The following NCKAP1 variants were observed in gnomAD, a reference collection of about 807,000 sequenced individuals.
The protein encoded by NCKAP1 is NCK associated protein 1, also known as nck-associated protein 1.
Under a neutral mutation model 151.2 loss-of-function variants are expected in NCKAP1, and 21 were observed. The ratio of observed to expected loss-of-function variants is 0.14; its 90% CI spans 0.10 to 0.20. NCKAP1 has a LOEUF of 0.20. Among genes scored for constraint, NCKAP1 ranks in the 10% least tolerant of loss-of-function variants. The pLI, the probability that NCKAP1 is intolerant of heterozygous loss-of-function variation, is 1.00. For synonymous variants in NCKAP1, 484 were observed against 451.8 expected (o/e 1.07, Z -0.90); for missense variants, 933 against 1,352.1 (o/e 0.69, Z 4.86).
rs139531004 is a variant in NCKAP1 at position 182,983,671 on chromosome 2, CTATT to C, written c.1005-293_1005-290del. On this transcript the variant is annotated intron_variant, in intron 10 of 30. Transcript: ENST00000361354. Reference sequence around the variant, plus strand: ...TCAAGAAGCATTTCCCAACATCTAGCTATTTATTTATGAATAATTTATCCAATTT... The same window carrying C: ...TCAAGAAGCATTTCCCAACATCTAGCTATTTATGAATAATTTATCCAATTT... Among the ~76,000 whole-genome samples, 457 of 152,266 alleles carry C rather than the reference CTATT, an allele frequency of 3.0e-3. 1 individual carries two copies. The highest frequency in any genetic ancestry group is 5.3e-3 in the Non-Finnish European group (361 of 68,012).
intron 16 of NCKAP1, among the ~76,000 whole-genome samples, chr2:182,965,962 C>T (rs188751211): frequency 6.6e-6 from 1 of 152,258 alleles, no homozygotes; most frequent in East Asian, 1.9e-4. Context: ...CTTTAAGAGG[C>T]ATGGTTTCTC....
chr2:182,967,487 T>TG, intron 15 of NCKAP1, 126 bp from the exon 16 acceptor site: 1 of 833,050 alleles, frequency 1.2e-6, no homozygotes, highest in Non-Finnish European at 1.9e-6. Context: ...GACAGTAACA[T>TG]CTACTGTGTT....
At chr2:183,002,074 T>C (rs1698384652) in intron 5 of NCKAP1, 31 bp from the exon 6 acceptor site, 1 of 1,612,608 alleles carries the variant, frequency 6.2e-7, no homozygotes, top group South Asian at 1.1e-5. Context: ...TTTCAATGAG[T>C]TGTAATCCAT....
rs752202426 is a variant in NCKAP1, at chr2:182,982,798, T to A, written c.1208+23A>T. On this transcript the variant is annotated intron_variant, in intron 12 of 30. Coordinates refer to ENST00000361354, the MANE Select transcript of NCKAP1 (RefSeq NM_013436.5). ...AGAAGCATCTATATACAGAAAATATTTTTTTAAATGTTGCTAACTTACTTA... is the reference window on the plus strand; with the variant it reads ...AGAAGCATCTATATACAGAAAATATATTTTTAAATGTTGCTAACTTACTTA... 19 of 1,488,100 alleles carry A rather than the reference T, an allele frequency of 1.3e-5. No individual in the cohort carries two copies. The Admixed American group carries it at 3.0e-4, about 24-fold the overall frequency. The allele number at this position is 1,488,100 out of a possible 1,614,324, so 92.2% of individuals were successfully genotyped here.
chr2:183,032,463 G>C (rs1699022630), intron 1 of NCKAP1, among the ~76,000 whole-genome samples: 1 of 152,094 alleles, frequency 6.6e-6, no homozygotes, highest in East Asian at 1.9e-4. Flanking sequence ...ATACACCCAG[G>C]GTACATGGGA....
intron 15 of NCKAP1, among the ~76,000 whole-genome samples, chr2:182,976,590 A>G (rs1343251272): frequency 6.6e-6 from 1 of 152,204 alleles, no homozygotes; most frequent in East Asian, 1.9e-4. Flanking sequence ...ATTTTCTCAG[A>G]AAAGATTTTG....
chr2:182,960,821 A>G (rs1310842011), intron 18 of NCKAP1, among the ~76,000 whole-genome samples: 2 of 152,218 alleles, frequency 1.3e-5, no homozygotes, highest in Non-Finnish European at 2.9e-5. Context: ...GAAAATTTTT[A>G]CAATCTACTC....
intron 2 of NCKAP1, among the ~76,000 whole-genome samples, chr2:183,013,108 C>T (rs1229377503): frequency 2.0e-5 from 3 of 152,110 alleles, no homozygotes; most frequent in South Asian, 2.1e-4. Flanking sequence ...ACTACTCAAA[C>T]TTTTCTGTCA....
At chr2:183,024,939 G>A (rs1020995822) in intron 1 of NCKAP1, 15 of 1,608,546 alleles carry the variant, frequency 9.3e-6, no homozygotes, top group Middle Eastern at 1.6e-4. Context: ...ATCTGAAAGC[G>A]GGCAAGCGGG....
intron 1 of NCKAP1, among the ~76,000 whole-genome samples, chr2:183,030,252 T>C (rs1014577924): frequency 6.6e-6 from 1 of 152,194 alleles, no homozygotes; most frequent in East Asian, 1.9e-4. Flanking sequence ...CTTGAACTCC[T>C]GGTCTCAAGA....
intron 17 of NCKAP1, among the ~76,000 whole-genome samples, chr2:182,963,623 TAA>T (rs1697500911): frequency 6.6e-6 from 1 of 152,062 alleles, no homozygotes; most frequent in East Asian, 1.9e-4. Context: ...ATCTGAACTG[TAA>T]TAATGACAAT....
chr2:183,001,473 A>G (rs932954050), intron 6 of NCKAP1, among the ~76,000 whole-genome samples: 3 of 152,348 alleles, frequency 2.0e-5, no homozygotes, highest in South Asian at 4.1e-4. Context: ...TGAGACTATA[A>G]TAAAGTTAAA....
intron 1 of NCKAP1, among the ~76,000 whole-genome samples, chr2:183,034,634 T>C (rs927293048): frequency 3.9e-5 from 6 of 152,200 alleles, no homozygotes; most frequent in Admixed American, 2.0e-4. Context: ...AAAAACAATG[T>C]TGCCCAAAAG....
At chr2:183,002,502 T>C (rs1310187064) in intron 4 of NCKAP1, among the ~76,000 whole-genome samples, 2 of 152,120 alleles carry the variant, frequency 1.3e-5, no homozygotes, top group Non-Finnish European at 1.5e-5. Context: ...GTGATCACTA[T>C]ATTCAAACTG....
At chr2:182,935,237 G>C in intron 25 of NCKAP1, 56 bp downstream of exon 25, 3 of 1,206,056 alleles carry the variant, frequency 2.5e-6, no homozygotes, top group Non-Finnish European at 3.5e-6. Flanking sequence ...TTAAATTTCT[G>C]AGAAATTAAA....
At chr2:183,025,739 T>G (rs1698882615) in intron 1 of NCKAP1, among the ~76,000 whole-genome samples, 1 of 152,284 alleles carries the variant, frequency 6.6e-6, no homozygotes, top group East Asian at 1.9e-4. Context: ...TAGCTAAGAA[T>G]AATAATCACA....
rs1697835864 is a variant in NCKAP1 at position 182,976,950 on chromosome 2, A to G, written c.1425T>C (p.Val475=). ...TGAAATCAAATACTTCCCCATCTTC[A>G]ACTGTAGTAATAGAAAAAAAAAAAA... The part of the protein sequence containing the change: ...NTMTSLSVKQ[V]EDGEVFDFRG... The change falls in exon 15 of 31, where the codon GTT becomes GTC. Residue 475 remains valine, a splice_region_variant and synonymous_variant. Coordinates refer to ENST00000361354, the MANE Select transcript of NCKAP1 (RefSeq NM_013436.5). The G allele has an allele frequency of 6.6e-7, 1 of 1,523,434 alleles. No individual in the cohort carries two copies. The highest frequency in any genetic ancestry group is 1.3e-5 in the South Asian group (1 of 78,760). The allele number at this position is 1,523,434 out of a possible 1,614,324, so 94.4% of individuals were successfully genotyped here.
At chr2:182,945,632 T>C (rs4666872) in intron 23 of NCKAP1, among the ~76,000 whole-genome samples, 143,790 of 152,282 alleles carry the variant, frequency 0.94, 68,001 homozygotes, top group East Asian at 0.99. Context: ...CTTTTAGAAA[T>C]GTTTCCTATC....
At chr2:182,942,019 C>CT in intron 24 of NCKAP1, 51 bp downstream of exon 24, 2 of 1,432,848 alleles carry the variant, frequency 1.4e-6, no homozygotes, top group South Asian at 2.5e-5. Flanking sequence ...AAGCTAAATA[C>CT]TGAGTATCAA....
Sources: gnomAD v4.1 joint callset for allele counts (sites outside exome capture counted in the v4.1 genomes callset) on GRCh38, gnomAD v4.1.1 for gene constraint, MANE v1.5 for transcripts, NCBI Gene and HGNC (gene_info 2026-07-23, HGNC 2026-07-21) for gene names.